KIF26B: variants seen among roughly 807,000 people sequenced by gnomAD.
The protein encoded by KIF26B is kinesin-like protein KIF26B.
A neutral mutation model predicts 151.2 loss-of-function variants in KIF26B; 63 were observed. That is an observed-to-expected ratio of 0.42 (90% CI 0.34 to 0.51). The LOEUF (loss-of-function observed/expected upper bound fraction) is 0.51. KIF26B is among the 20% of genes least tolerant of loss of function. The pLI, the probability that KIF26B is intolerant of heterozygous loss-of-function variation, is 0.07. For missense variants in KIF26B, 2,813 were observed against 2,913.6 expected, an observed-to-expected ratio of 0.97 and a Z score of 0.79; for synonymous variants, 1,357 against 1,262.1, an observed-to-expected ratio of 1.08 and a Z score of -1.59.
chr1:245,585,367 CAAAGT>C (rs1004288528), intron 5 of KIF26B, among the ~76,000 whole-genome samples: 2 of 151,638 alleles, frequency 1.3e-5, no homozygotes, highest in Non-Finnish European at 2.9e-5. Context: ...TAAAAGTTTA[CAAAGT>C]AAAGAGTCTG....
At chr1:245,464,841 A>G (rs1472396457) in intron 4 of KIF26B, among the ~76,000 whole-genome samples, 3 of 152,118 alleles carry the variant, frequency 2.0e-5, no homozygotes, top group Non-Finnish European at 4.4e-5. Flanking sequence ...TCACTAATCA[A>G]TTGTGAGCAG....
At chr1:245,530,915 T>G (rs1005778983) in intron 4 of KIF26B, among the ~76,000 whole-genome samples, 2 of 152,236 alleles carry the variant, frequency 1.3e-5, no homozygotes, top group Non-Finnish European at 2.9e-5. Context: ...TAAATACTGA[T>G]GGACTGAGTT....
At chr1:245,491,322 T>G (rs1660405134) in intron 4 of KIF26B, among the ~76,000 whole-genome samples, 1 of 152,222 alleles carries the variant, frequency 6.6e-6, no homozygotes, top group East Asian at 1.9e-4. Flanking sequence ...TATCAATATT[T>G]CAGAATTCCA....
chr1:245,609,188 T>A, intron 7 of KIF26B, 78 bp from the exon 8 acceptor site: 2 of 1,338,332 alleles, frequency 1.5e-6, no homozygotes, highest in Non-Finnish European at 2.0e-6. Context: ...TTCTATATCC[T>A]TGGCATCTAT....
intron 4 of KIF26B, among the ~76,000 whole-genome samples, chr1:245,484,767 ATATTAT>A (rs771748723): frequency 0.087 from 11,682 of 134,210 alleles, 468 homozygotes; most frequent in South Asian, 0.13. Context: ...CTTCTTCTTC[ATATTAT>A]TATTATTATT....
rs1197360663 is a variant in KIF26B, at chr1:245,318,393, A to C, written c.466-48441A>C. ...GAAAGGGAGAATTCTGCCAGCACCA[A>C]CCTGATCATCCTTCTGGGCATGGCC... On this transcript the variant is annotated intron_variant, in intron 2 of 14. Transcript: ENST00000407071. This position sits in a 1 kb window ranked among gnomAD's most constrained non-coding sequence, Gnocchi z 4.0. 6.6e-6 allele frequency among the ~76,000 whole-genome samples: 1 copy of C among 152,166 alleles called. No homozygotes were observed. The highest frequency in any genetic ancestry group is 1.9e-4 in the East Asian group (1 of 5,186).
intron 11 of KIF26B, 23 bp downstream of exon 11, chr1:245,684,418 G>T (rs773530909): frequency 1.3e-6 from 2 of 1,560,490 alleles, no homozygotes; most frequent in South Asian, 1.2e-5. Flanking sequence ...CGGGGTGGGG[G>T]GGTGGTGGAT....
In KIF26B at chr1:245,682,090, A is replaced by G. The variant is rs183250237; in HGVS notation, c.2259-2143A>G. ...GAAACCCCGTCTCTACTAAAAATACAAAAAATTAGCTGGGTGTGGTGGCGC... is the reference window on the plus strand; with the variant it reads ...GAAACCCCGTCTCTACTAAAAATACGAAAAATTAGCTGGGTGTGGTGGCGC... On this transcript the variant is annotated intron_variant, in intron 10 of 14. Transcript: ENST00000407071. 4.1e-4 allele frequency among the ~76,000 whole-genome samples: 63 copies of G among 152,240 alleles called. No homozygotes were observed. In the East Asian group the frequency reaches 5.6e-3, roughly 14 times the overall value.
intron 2 of KIF26B, among the ~76,000 whole-genome samples, chr1:245,248,228 G>C (rs768902176): frequency 3.9e-5 from 6 of 152,136 alleles, no homozygotes; most frequent in Non-Finnish European, 8.8e-5. Flanking sequence ...AACTTCAGCA[G>C]TATTAGCTGG....
chr1:245,389,750 G>A (rs545545605), intron 3 of KIF26B, among the ~76,000 whole-genome samples: 1 of 152,152 alleles, frequency 6.6e-6, no homozygotes, highest in East Asian at 1.9e-4. Context: ...TGGTACATGC[G>A]CATAATTTAA....
At chr1:245,199,795 A>C (rs1236382755) in intron 2 of KIF26B, among the ~76,000 whole-genome samples, 1 of 148,134 alleles carries the variant, frequency 6.8e-6, no homozygotes, top group Non-Finnish European at 1.5e-5. Flanking sequence ...ATGTATCCAC[A>C]TATCTACTCA....
chr1:245,622,602 G>T (rs2043676003), intron 9 of KIF26B, among the ~76,000 whole-genome samples: 1 of 152,132 alleles, frequency 6.6e-6, no homozygotes, highest in South Asian at 2.1e-4. Context: ...TTTCAATCTT[G>T]CCCCAAATTA....
chr1:245,335,841 G>T (rs1313300946), intron 2 of KIF26B, among the ~76,000 whole-genome samples: 1 of 113,768 alleles, frequency 8.8e-6, no homozygotes, highest in Non-Finnish European at 1.8e-5. Flanking sequence ...CGGAGAAGGA[G>T]GAGTCCCACG....
At chr1:245,653,130 G>A (rs973035524) in intron 10 of KIF26B, among the ~76,000 whole-genome samples, 1 of 152,210 alleles carries the variant, frequency 6.6e-6, no homozygotes, top group Non-Finnish European at 1.5e-5. Flanking sequence ...GTGGAGGAGA[G>A]AATGGTGTGG....
intron 4 of KIF26B, among the ~76,000 whole-genome samples, chr1:245,483,198 T>C (rs1660205661): frequency 6.6e-6 from 1 of 151,802 alleles, no homozygotes; most frequent in South Asian, 2.1e-4. Context: ...AGAAGCTGTC[T>C]CAGAACCAGT....
intron 2 of KIF26B, among the ~76,000 whole-genome samples, chr1:245,190,975 C>G (rs1043911832): frequency 1.1e-4 from 15 of 134,784 alleles, no homozygotes; most frequent in African/African-American, 4.1e-4. Flanking sequence ...TGGAGAATCG[C>G]TTGAACCTGG....
intron 4 of KIF26B, among the ~76,000 whole-genome samples, chr1:245,439,277 GT>G (rs1379577654): frequency 1.3e-5 from 2 of 150,786 alleles, no homozygotes; most frequent in Non-Finnish European, 2.9e-5. Context: ...AGCCCAGGAG[GT>G]TAAGGCTACA....
chr1:245,425,067 CTT>C (rs35423492), intron 4 of KIF26B, among the ~76,000 whole-genome samples: 199 of 131,172 alleles, frequency 1.5e-3, no homozygotes, highest in African/African-American at 4.7e-3. Context: ...AAACGAGGGC[CTT>C]TTTTTTTTTT....
chr1:245,638,647 G>A (rs564717476), intron 9 of KIF26B, among the ~76,000 whole-genome samples: 19 of 151,900 alleles, frequency 1.3e-4, no homozygotes, highest in African/African-American at 4.3e-4. Flanking sequence ...CACTTATCTT[G>A]TTGAGGTATG....
Sources: allele counts gnomAD v4.1 joint callset (sites outside exome capture counted in the v4.1 genomes callset), GRCh38; gene constraint gnomAD v4.1.1; non-coding constraint Gnocchi (gnomAD v3.1); transcripts MANE v1.5; gene names NCBI Gene and HGNC (gene_info 2026-07-23, HGNC 2026-07-21).